The following PLXNA2 variants were observed in gnomAD, a reference collection of about 807,000 sequenced individuals.
The protein encoded by PLXNA2 is plexin A2.
A neutral mutation model predicts 193.5 loss-of-function variants in PLXNA2; 91 were observed. The ratio of observed to expected loss-of-function variants is 0.47; its 90% CI spans 0.40 to 0.56. The LOEUF is 0.56. Ranked by LOEUF, PLXNA2 falls within the 20% of genes least tolerant of loss-of-function variation. The pLI, the probability that PLXNA2 is intolerant of heterozygous loss-of-function variation, is 0.00. For synonymous variants in PLXNA2, 997 were observed against 1,027.3 expected, an observed-to-expected ratio of 0.97 and a Z score of 0.56; for missense variants, 1,995 against 2,503.2, an observed-to-expected ratio of 0.80 and a Z score of 4.33.
Position 208,198,517 on chromosome 1 carries a change from T to G in PLXNA2, c.1371+11763A>C, listed in dbSNP as rs552735278. On this transcript the variant is annotated intron_variant, in intron 3 of 31. Transcript: ENST00000367033. ...GGAGAAAGGGGAGTCAGCTGGGGAC[T>G]GTGTGTGGCACAAAAGGCTGCCACC... 8.5e-5 allele frequency among the ~76,000 whole-genome samples: 13 copies of G among 152,294 alleles called. No individual in the cohort carries two copies. In the South Asian group the frequency reaches 1.0e-3, roughly 12 times the overall value.
At chr1:208,204,560 A>T (rs184172096) in intron 3 of PLXNA2, among the ~76,000 whole-genome samples, 1 of 152,116 alleles carries the variant, frequency 6.6e-6, no homozygotes, top group Admixed American at 6.5e-5. Flanking sequence ...AACACATCAT[A>T]CCTTCCTTCC....
At chr1:208,177,310 G>C (rs1476562947) in intron 3 of PLXNA2, among the ~76,000 whole-genome samples, 1 of 152,086 alleles carries the variant, frequency 6.6e-6, no homozygotes, top group Non-Finnish European at 1.5e-5. Context: ...GCAGAGGACT[G>C]ATTAGCAAAA....
intron 4 of PLXNA2, among the ~76,000 whole-genome samples, chr1:208,135,174 TC>T (rs1668266690): frequency 6.6e-6 from 1 of 151,826 alleles, no homozygotes; most frequent in Admixed American, 6.6e-5. Context: ...TGGTGGGGGG[TC>T]TCTCCTGCAT....
At position 208,061,860 on chromosome 1, in the gene PLXNA2, T is replaced by A. The variant is rs531642833; in HGVS notation, c.2587-1023A>T. ...GAAAAATAACTCGAAGTGAACTCAA[T>A]CCTAGATAGCAGAGGAACACAGAAT... On this transcript the variant is annotated intron_variant, in intron 12 of 31. Transcript: ENST00000367033. Among the ~76,000 whole-genome samples, 5 of 152,230 alleles carry A rather than the reference T, an allele frequency of 3.3e-5. No homozygotes were observed. In the South Asian group the frequency reaches 1.0e-3, roughly 32 times the overall value.
intron 1 of PLXNA2, among the ~76,000 whole-genome samples, chr1:208,233,414 G>A (rs1260729869): frequency 6.6e-6 from 1 of 152,142 alleles, no homozygotes; most frequent in African/African-American, 2.4e-5. Context: ...GGCCAGACAT[G>A]GCTGCTTCCC....
In PLXNA2 at chr1:208,035,474, C is replaced by T. The variant is rs551056165; in HGVS notation, c.4765-882G>A. Among the ~76,000 whole-genome samples the T allele has an allele frequency of 8.0e-4, 122 of 152,248 alleles. 1 individual carries two copies. Among genetic ancestry groups the T allele is most frequent in the African/African-American group, 2.8e-3 (116 of 41,544 alleles). On this transcript the variant is annotated intron_variant, in intron 26 of 31. Transcript: ENST00000367033. Reference sequence around the variant, plus strand: ...CGAGAAAGATGGTGTCTTGTCCCATCCTCTATGAGGGTACCCCAGCTCAGC... The same window carrying T: ...CGAGAAAGATGGTGTCTTGTCCCATTCTCTATGAGGGTACCCCAGCTCAGC...
At chr1:208,212,148 GC>G (rs1670979991) in intron 2 of PLXNA2, among the ~76,000 whole-genome samples, 1 of 152,238 alleles carries the variant, frequency 6.6e-6, no homozygotes, top group African/African-American at 2.4e-5. Flanking sequence ...CAGCAGAACA[GC>G]CTGCCCCCAT....
At chr1:208,154,196 GC>G (rs2102502794) in intron 3 of PLXNA2, among the ~76,000 whole-genome samples, 2 of 152,320 alleles carry the variant, frequency 1.3e-5, no homozygotes, top group South Asian at 4.1e-4. Context: ...ACGCCCCACA[GC>G]TGCTGGGCAG....
Position 208,142,420 on chromosome 1 carries a change from A to G in PLXNA2, c.1415T>C (p.Met472Thr), listed in dbSNP as rs139676203. 3 of 1,613,624 alleles carry G rather than the reference A, an allele frequency of 1.9e-6. No individual in the cohort carries two copies. The highest frequency in any genetic ancestry group is 1.3e-5 in the African/African-American group (1 of 74,920). The change falls in exon 4 of 32, where the codon ATG becomes ACG. Residue 472 changes from methionine (M) to threonine (T), a missense_variant. By Grantham distance (81) the Met-to-Thr change is moderately conservative. Coordinates refer to ENST00000367033, the MANE Select transcript of PLXNA2 (RefSeq NM_025179.4). ...GCTTCCGTCCTTGAGCACAGAGACC[A>G]TCTCGTACTGGACCCCACCATGGGG... is the stretch of plus-strand genomic sequence containing the variant. ...GPPHGGVQYEMVSVLKDGSPI... is the reference protein window; with the variant it reads ...GPPHGGVQYETVSVLKDGSPI...
chr1:208,240,940 C>G (rs1389913880), intron 1 of PLXNA2, among the ~76,000 whole-genome samples: 2 of 152,000 alleles, frequency 1.3e-5, no homozygotes, highest in African/African-American at 2.4e-5. Flanking sequence ...CACACCAAAC[C>G]CTATATCTTA....
rs1338215116 is a variant in PLXNA2 at position 208,217,703 on chromosome 1, T to C, written c.220A>G (p.Thr74Ala). The C allele has an allele frequency of 1.9e-6, 3 of 1,614,208 alleles. No homozygotes were observed. The highest frequency in any genetic ancestry group is 2.5e-6 in the Non-Finnish European group (3 of 1,180,036). The change falls in exon 2 of 32, where the codon ACA (threonine) becomes GCA (alanine). Residue 74 changes from threonine to alanine, a missense_variant. Physicochemically the swap from Thr to Ala is moderately conservative, Grantham distance 58 (BLOSUM62 0). Transcript: ENST00000367033. This position sits in a 1 kb window ranked among gnomAD's most constrained non-coding sequence, Gnocchi z 4.7. ...VGAINRVYKL[T>A]GNLTIQVAHK... ...GCCACCTGGATGGTCAGGTTGCCTG[T>C]CAGCTTATAGACCCGGTTGATGGCC...
At position 208,060,771 on chromosome 1, in the gene PLXNA2, G is replaced by A. The variant is rs1372779275; in HGVS notation, c.2653C>T (p.Leu885=). 1 of 1,614,144 alleles carries A rather than the reference G, an allele frequency of 6.2e-7. No individual in the cohort carries two copies. Among genetic ancestry groups the A allele is most frequent in the South Asian group, 1.1e-5 (1 of 91,076 alleles). Residue 885 remains leucine (L), a synonymous_variant, in exon 13 of 32, where the codon CTG becomes TTG. Coordinates refer to ENST00000367033, the MANE Select transcript of PLXNA2 (RefSeq NM_025179.4). Reference sequence around the variant, plus strand: ...TGGTGGGCGATCTCGGAGAAGTCCAGACCCAGGTTCACGCCATGGATGGTC... The same window carrying A: ...TGGTGGGCGATCTCGGAGAAGTCCAAACCCAGGTTCACGCCATGGATGGTC... ...RVTIHGVNLG[L]DFSEIAHHVQ...
chr1:208,097,539 C>T (rs1666939019), intron 6 of PLXNA2, among the ~76,000 whole-genome samples: 1 of 152,166 alleles, frequency 6.6e-6, no homozygotes, highest in South Asian at 2.1e-4. Context: ...TCTGCTATTA[C>T]CTATGGGTTC....
At chr1:208,222,062 A>G (rs915282123) in intron 1 of PLXNA2, among the ~76,000 whole-genome samples, 1 of 152,158 alleles carries the variant, frequency 6.6e-6, no homozygotes, top group African/African-American at 2.4e-5. Context: ...GTTATTAGCA[A>G]TTTATTTGTC....
chr1:208,219,687 G>A (rs1195497396), intron 1 of PLXNA2, among the ~76,000 whole-genome samples: 2 of 152,124 alleles, frequency 1.3e-5, no homozygotes, highest in East Asian at 1.9e-4. Flanking sequence ...CTGCATCCTC[G>A]GCCTGGCAGC....
intron 1 of PLXNA2, among the ~76,000 whole-genome samples, chr1:208,221,618 A>G (rs899000465): frequency 1.3e-5 from 2 of 151,570 alleles, no homozygotes; most frequent in Non-Finnish European, 2.9e-5. Context: ...TTTGCACCCC[A>G]CCTTGGGAGT....
rs370958672 is a variant in PLXNA2 at position 208,113,720 on chromosome 1, A to G, written c.1507-10473T>C. On this transcript the variant is annotated intron_variant, in intron 4 of 31. Transcript: ENST00000367033. ...ATGTCATGTGCCACCATGCCTGGCT[A>G]ATTGTTTAAATTTTTTATAGTGATG... is the stretch of plus-strand genomic sequence containing the variant. 2.8e-4 allele frequency among the ~76,000 whole-genome samples: 42 copies of G among 151,778 alleles called. 1 individual carries two copies. Among genetic ancestry groups the G allele is most frequent in the East Asian group, 1.9e-3 (10 of 5,132 alleles).
intron 4 of PLXNA2, among the ~76,000 whole-genome samples, chr1:208,109,083 C>T (rs1356885577): frequency 6.6e-6 from 1 of 152,216 alleles, no homozygotes; most frequent in Non-Finnish European, 1.5e-5. Context: ...ACACGTGTCC[C>T]CTGCTCCTGA....
chr1:208,031,618 C>G lies in PLXNA2; in HGVS notation c.5197G>C (p.Asp1733His). 1 of 1,614,036 alleles carries G rather than the reference C, an allele frequency of 6.2e-7. No homozygotes were observed. The highest frequency in any genetic ancestry group is 1.1e-5 in the South Asian group (1 of 91,072). ...TTGCTTTTCCAGGTGTGCCGCACAT[C>G]TGTGTCATGGATGCTGTGCCTGTCT... is the stretch of plus-strand genomic sequence containing the variant. ...QADRHSIHDT[D>H]VRHTWKSNCL... is the part of the protein sequence containing the mutation. Residue 1733 changes from aspartate (D) to histidine (H), a missense_variant, in exon 29 of 32, where the codon GAT becomes CAT. By Grantham distance (81) the Asp-to-His change is moderately conservative (BLOSUM62 -1). This residue lies in a region of PLXNA2 where 1,291 missense variants were observed against 1,673.6 expected (regional missense o/e 0.77). Coordinates refer to ENST00000367033, the MANE Select transcript of PLXNA2 (RefSeq NM_025179.4).
Sources: allele counts gnomAD v4.1 joint callset (sites outside exome capture counted in the v4.1 genomes callset), GRCh38; gene constraint gnomAD v4.1.1; regional missense constraint gnomAD v4.1.1; non-coding constraint Gnocchi (gnomAD v3.1); transcripts MANE v1.5; gene names NCBI Gene and HGNC (gene_info 2026-07-23, HGNC 2026-07-21).